LPGAT1: variants seen among roughly 807,000 people sequenced by gnomAD.
The protein encoded by LPGAT1 is acyl-CoA:lysophosphatidylglycerol acyltransferase 1.
A neutral mutation model predicts 47.5 loss-of-function variants in LPGAT1; 11 were observed. The observed-to-expected ratio is 0.23, with a 90% confidence interval of 0.15 to 0.38. The LOEUF is 0.38. Ranked by LOEUF, LPGAT1 falls within the 10% of genes least tolerant of loss-of-function variation. LPGAT1 has a pLI of 1.00. For synonymous variants in LPGAT1, 138 were observed against 144.2 expected (o/e 0.96, Z 0.31); for missense variants, 293 against 439.0 (o/e 0.67, Z 2.97).
Position 211,790,057 on chromosome 1 carries a change from C to T in LPGAT1, c.358-2330G>A, listed in dbSNP as rs141212527. Among the ~76,000 whole-genome samples the T allele has an allele frequency of 4.7e-3, 723 of 152,252 alleles. 2 individuals are homozygous for T. The highest frequency in any genetic ancestry group is 8.7e-3 in the Non-Finnish European group (592 of 68,014). ...TCAATCTATATCAATTATTCTTTAT[C>T]TGGATGCACAGATTTTCTACGTATC... On this transcript the variant is annotated intron_variant, in intron 3 of 7. Transcript: ENST00000366997.
chr1:211,753,159 C>G (rs1031028900), intron 6 of LPGAT1, among the ~76,000 whole-genome samples: 52 of 152,280 alleles, frequency 3.4e-4, no homozygotes, highest in African/African-American at 1.2e-3. Context: ...CACCATTGTC[C>G]TGGTGAGTCC....
At chr1:211,763,121 A>G (rs574463746) in intron 6 of LPGAT1, among the ~76,000 whole-genome samples, 5 of 152,324 alleles carry the variant, frequency 3.3e-5, no homozygotes, top group Admixed American at 3.3e-4. Context: ...TATAAAAGAG[A>G]TATCACTTGA....
At chr1:211,785,833 C>G (rs1027748676) in intron 4 of LPGAT1, among the ~76,000 whole-genome samples, 1 of 152,038 alleles carries the variant, frequency 6.6e-6, no homozygotes, top group African/African-American at 2.4e-5. Context: ...CCTCGAACTC[C>G]TGGCCTCAAG....
intron 2 of LPGAT1, among the ~76,000 whole-genome samples, chr1:211,794,474 T>C (rs1558272309): frequency 6.6e-6 from 1 of 152,082 alleles, no homozygotes; most frequent in Non-Finnish European, 1.5e-5. Flanking sequence ...CAGCTAACTT[T>C]TGTATTTTTT....
chr1:211,754,434 T>C (rs1571691365), intron 6 of LPGAT1, among the ~76,000 whole-genome samples: 1 of 152,222 alleles, frequency 6.6e-6, no homozygotes, highest in African/African-American at 2.4e-5. Flanking sequence ...GCCGCCATTG[T>C]CTTTCAGGCT....
At chr1:211,756,414 T>C (rs1162020507) in intron 6 of LPGAT1, among the ~76,000 whole-genome samples, 1 of 152,192 alleles carries the variant, frequency 6.6e-6, no homozygotes, top group Non-Finnish European at 1.5e-5. Context: ...CACAGCAGCC[T>C]TGACTTCCCA....
intron 6 of LPGAT1, among the ~76,000 whole-genome samples, 170 bp from the exon 7 acceptor site, chr1:211,751,237 T>C (rs145155851): frequency 0.012 from 1,902 of 152,340 alleles, 18 homozygotes; most frequent in Non-Finnish European, 0.016. Flanking sequence ...AAATTGTTGA[T>C]TACACAAGAG....
Position 211,808,005 on chromosome 1 carries a change from A to G in LPGAT1, c.239-14815T>C, listed in dbSNP as rs77392478. On this transcript the variant is annotated intron_variant, in intron 2 of 7. Coordinates refer to ENST00000366997, the MANE Select transcript of LPGAT1 (RefSeq NM_014873.3). ...TTTTAATGAGGAAAAGACACTGTTA[A>G]GAGAATAAAATGAGAGAAAATAATA... is the stretch of plus-strand genomic sequence containing the variant. 6.6e-5 allele frequency among the ~76,000 whole-genome samples: 10 copies of G among 152,326 alleles called. No homozygotes were observed. The East Asian group carries it at 1.9e-3, about 29-fold the overall frequency.
In LPGAT1 at chr1:211,804,162, T is replaced by A. The variant is rs944437373; in HGVS notation, c.239-10972A>T. 2.6e-5 allele frequency among the ~76,000 whole-genome samples: 4 copies of A among 152,098 alleles called. No homozygotes were observed. In the East Asian group the frequency reaches 7.7e-4, roughly 29 times the overall value. ...ATCAAAGCTCACTGTAGCCTCAACC[T>A]CCCGAGCTCAAATGATCCTCCTGCC... On this transcript the variant is annotated intron_variant, in intron 2 of 7. Coordinates refer to ENST00000366997, the MANE Select transcript of LPGAT1 (RefSeq NM_014873.3).
intron 5 of LPGAT1, among the ~76,000 whole-genome samples, chr1:211,782,691 T>C (rs189140920): frequency 2.0e-5 from 3 of 151,974 alleles, no homozygotes; most frequent in Non-Finnish European, 2.9e-5. Context: ...GCTATGATCA[T>C]ACCACTGCAC....
chr1:211,766,171 T>C (rs1441794780), intron 6 of LPGAT1, among the ~76,000 whole-genome samples: 1 of 152,098 alleles, frequency 6.6e-6, no homozygotes, highest in African/African-American at 2.4e-5. Flanking sequence ...GCTCCCCAGT[T>C]CTTCGGCTTT....
At chr1:211,805,887 A>C (rs1488740873) in intron 2 of LPGAT1, among the ~76,000 whole-genome samples, 2 of 152,242 alleles carry the variant, frequency 1.3e-5, no homozygotes, top group South Asian at 2.1e-4. Flanking sequence ...AATTATCAAT[A>C]GAATATTAGC....
intron 2 of LPGAT1, among the ~76,000 whole-genome samples, chr1:211,813,567 G>A (rs1174507770): frequency 3.3e-5 from 5 of 152,048 alleles, no homozygotes; most frequent in Non-Finnish European, 4.4e-5. Flanking sequence ...AAATTTCTAC[G>A]AAAATTTTAT....
Position 211,829,019 on chromosome 1 carries a change from T to G in LPGAT1, c.238+40A>C, listed in dbSNP as rs780354776. ...ACATTTAATCATGGTTCCTGACAAA[T>G]TTTTTCTTATGCATTAAAGAAAAGT... On this transcript the variant is annotated intron_variant, in intron 2 of 7. Coordinates refer to ENST00000366997, the MANE Select transcript of LPGAT1 (RefSeq NM_014873.3). 3.1e-6 allele frequency: 5 copies of G among 1,600,550 alleles called. No individual in the cohort carries two copies. The East Asian group carries it at 1.1e-4, about 36-fold the overall frequency.
chr1:211,791,621 C>T (rs1268835672), intron 3 of LPGAT1, among the ~76,000 whole-genome samples: 2 of 151,976 alleles, frequency 1.3e-5, no homozygotes, highest in African/African-American at 4.8e-5. Context: ...GGTACCCGTG[C>T]CCATAGTCCC....
At chr1:211,766,779 C>T (rs1160685475) in intron 6 of LPGAT1, among the ~76,000 whole-genome samples, 1 of 152,150 alleles carries the variant, frequency 6.6e-6, no homozygotes, top group Non-Finnish European at 1.5e-5. Context: ...ATTCAAGATT[C>T]AAATTGTGGT....
intron 6 of LPGAT1, among the ~76,000 whole-genome samples, chr1:211,758,576 G>A (rs1657560798): frequency 6.6e-6 from 1 of 152,096 alleles, no homozygotes; most frequent in Admixed American, 6.6e-5. Flanking sequence ...GGTGGTGGAT[G>A]CCTGTAGTCC....
At position 211,774,903 on chromosome 1, in the gene LPGAT1, C is replaced by T. The variant is rs143202482; in HGVS notation, c.854+4015G>A. On this transcript the variant is annotated intron_variant, in intron 6 of 7. Coordinates refer to ENST00000366997, the MANE Select transcript of LPGAT1 (RefSeq NM_014873.3). Reference sequence around the variant, plus strand: ...AAGTGTCAGTACAGAAATTTCGAATCAAGAAAAACATTCTGCTCCACATTC... The same window carrying T: ...AAGTGTCAGTACAGAAATTTCGAATTAAGAAAAACATTCTGCTCCACATTC... Among the ~76,000 whole-genome samples, 441 of 152,190 alleles carry T rather than the reference C, an allele frequency of 2.9e-3. 3 individuals are homozygous for T. The highest frequency in any genetic ancestry group is 0.01 in the African/African-American group (427 of 41,534).
chr1:211,771,257 T>C (rs1053433345), intron 6 of LPGAT1, among the ~76,000 whole-genome samples: 1 of 152,170 alleles, frequency 6.6e-6, no homozygotes, highest in Non-Finnish European at 1.5e-5. Flanking sequence ...CTATGCCATA[T>C]AGCCTAGGTG....
Sources: gnomAD v4.1 joint callset for allele counts (sites outside exome capture counted in the v4.1 genomes callset) on GRCh38, gnomAD v4.1.1 for gene constraint, MANE v1.5 for transcripts, NCBI Gene and HGNC (gene_info 2026-07-23, HGNC 2026-07-21) for gene names.